Variants in CTNNA3 observed in about 807,000 individuals in gnomAD.
CTNNA3 encodes catenin alpha 3.
CTNNA3 carries 76 observed loss-of-function variants against 95.7 expected under a neutral mutation model. That is an observed-to-expected ratio of 0.79 (90% confidence interval 0.66 to 0.96). CTNNA3 has a LOEUF of 0.96. CTNNA3 is among the 40% of genes least tolerant of loss of function. CTNNA3 has a pLI of 0.00. For synonymous variants in CTNNA3, 431 were observed against 374.4 expected, an observed-to-expected ratio of 1.15 and a Z score of -1.74; for missense variants, 1,191 against 1,089.8, an observed-to-expected ratio of 1.09 and a Z score of -1.31.
rs564721214 is a variant in CTNNA3, at chr10:66,138,040, T to C, written c.1885-34791A>G. 9.4e-4 allele frequency among the ~76,000 whole-genome samples: 142 copies of C among 151,502 alleles called. 1 individual carries two copies. The highest frequency in any genetic ancestry group is 3.1e-3 in the South Asian group (15 of 4,810). On this transcript the variant is annotated intron_variant, in intron 13 of 17. Coordinates refer to ENST00000433211, the MANE Select transcript of CTNNA3 (RefSeq NM_013266.4). The stretch of plus-strand genomic sequence containing the variant: ...AGAAAAAACAAAGAAAATAAAATAG[T>C]AAAACTTATTAAATCTAAGTAAAAG...
intron 15 of CTNNA3, among the ~76,000 whole-genome samples, chr10:66,015,382 C>CAA (rs1448725439): frequency 1.3e-5 from 2 of 152,082 alleles, no homozygotes; most frequent in Admixed American, 6.5e-5. Context: ...CTAGGAGTGA[C>CAA]AAACTGTAAC....
intron 5 of CTNNA3, among the ~76,000 whole-genome samples, chr10:67,340,068 C>T (rs2132610850): frequency 6.6e-6 from 1 of 152,058 alleles, no homozygotes; most frequent in East Asian, 1.9e-4. Flanking sequence ...ATTAATTGTC[C>T]TGCTTATATT....
At chr10:66,996,947 CA>C (rs1157777086) in intron 7 of CTNNA3, among the ~76,000 whole-genome samples, 1 of 151,990 alleles carries the variant, frequency 6.6e-6, no homozygotes, top group African/African-American at 2.4e-5. Context: ...GACATTAAAT[CA>C]AGAGGTTTAA....
chr10:66,180,217 T>G (rs2085968295), intron 13 of CTNNA3, among the ~76,000 whole-genome samples: 1 of 152,186 alleles, frequency 6.6e-6, no homozygotes, highest in South Asian at 2.1e-4. Context: ...TTTAGAAAAC[T>G]GCTGGCCTAT....
At chr10:66,450,863 TTCA>T (rs1162938723) in intron 11 of CTNNA3, among the ~76,000 whole-genome samples, 3 of 152,282 alleles carry the variant, frequency 2.0e-5, no homozygotes, top group South Asian at 4.1e-4. Flanking sequence ...CAACTCACTC[TTCA>T]AGACACAAGT....
chr10:67,171,115 A>G (rs1191542520), intron 7 of CTNNA3, among the ~76,000 whole-genome samples: 1 of 152,190 alleles, frequency 6.6e-6, no homozygotes, highest in African/African-American at 2.4e-5. Flanking sequence ...TTTGCATAAT[A>G]TTTCCATAAG....
At chr10:66,431,099 A>G (rs2093291305) in intron 11 of CTNNA3, among the ~76,000 whole-genome samples, 1 of 152,164 alleles carries the variant, frequency 6.6e-6, no homozygotes, top group Non-Finnish European at 1.5e-5. Flanking sequence ...ATGAACAGAC[A>G]CTTCTCAAAA....
In CTNNA3 at chr10:66,064,698, C is replaced by T. The variant is rs139105284; in HGVS notation, c.2159+4610G>A. 2.6e-3 allele frequency among the ~76,000 whole-genome samples: 391 copies of T among 152,210 alleles called. 6 individuals are homozygous for T. Among genetic ancestry groups the T allele is most frequent in the African/African-American group, 9.1e-3 (378 of 41,554 alleles). On this transcript the variant is annotated intron_variant, in intron 15 of 17. Coordinates refer to ENST00000433211, the MANE Select transcript of CTNNA3 (RefSeq NM_013266.4). ...CGGACTATGTGTCTCCTCCAAATGC[C>T]ATAAGGGCATTAAAATTAAAATCTT...
chr10:67,107,040 T>C (rs1232993016), intron 7 of CTNNA3, among the ~76,000 whole-genome samples: 3 of 152,200 alleles, frequency 2.0e-5, no homozygotes, highest in African/African-American at 7.2e-5. Flanking sequence ...TTGTTGGGAA[T>C]ATCTCAAGGC....
At chr10:67,080,778 G>A (rs1190519065) in intron 7 of CTNNA3, among the ~76,000 whole-genome samples, 2 of 151,866 alleles carry the variant, frequency 1.3e-5, no homozygotes, top group Non-Finnish European at 2.9e-5. Context: ...GCGTGGTGGC[G>A]GGCGCCTGTG....
chr10:65,928,504 A>G (rs2077201692), intron 17 of CTNNA3, among the ~76,000 whole-genome samples: 1 of 152,160 alleles, frequency 6.6e-6, no homozygotes, highest in Non-Finnish European at 1.5e-5. Context: ...GGTGGAGACA[A>G]TGTTCTTTTT....
chr10:66,699,561 T>C (rs1847874843), intron 9 of CTNNA3, among the ~76,000 whole-genome samples: 2 of 152,164 alleles, frequency 1.3e-5, no homozygotes. Context: ...AGTACTTTGG[T>C]CATTTTTTTT....
At chr10:65,954,524 AAC>A (rs1277835606) in intron 17 of CTNNA3, among the ~76,000 whole-genome samples, 2 of 152,182 alleles carry the variant, frequency 1.3e-5, no homozygotes, top group African/African-American at 4.8e-5. Flanking sequence ...TTTTAGGTCT[AAC>A]ATTTAAGTCT....
At chr10:66,075,979 A>G (rs2080547649) in intron 14 of CTNNA3, among the ~76,000 whole-genome samples, 1 of 151,744 alleles carries the variant, frequency 6.6e-6, no homozygotes. Context: ...ATAATCCACA[A>G]TTATGATTTT....
At chr10:66,211,983 G>GTTTTTTTT (rs61453326) in intron 13 of CTNNA3, among the ~76,000 whole-genome samples, 9 of 95,012 alleles carry the variant, frequency 9.5e-5, no homozygotes, top group African/African-American at 1.3e-4. Flanking sequence ...TTGTTTTTGG[G>GTTTTTTTT]TTTTTTTTTT....
chr10:67,228,609 A>G (rs1418419838), intron 5 of CTNNA3, among the ~76,000 whole-genome samples: 2 of 143,670 alleles, frequency 1.4e-5, no homozygotes, highest in African/African-American at 5.5e-5. Context: ...GTGAAACTCC[A>G]TCTCAAAAAA....
intron 9 of CTNNA3, among the ~76,000 whole-genome samples, chr10:66,653,632 G>A (rs1845983085): frequency 6.6e-6 from 1 of 152,024 alleles, no homozygotes; most frequent in South Asian, 2.1e-4. Flanking sequence ...CACAAAAGAT[G>A]CTGAATAGCC....
At chr10:65,990,164 A>G (rs1168480420) in intron 15 of CTNNA3, among the ~76,000 whole-genome samples, 1 of 151,588 alleles carries the variant, frequency 6.6e-6, no homozygotes, top group Non-Finnish European at 1.5e-5. Context: ...CATCTTTGCT[A>G]TTGTGAATAA....
intron 5 of CTNNA3, among the ~76,000 whole-genome samples, chr10:67,269,392 T>C (rs190809071): frequency 5.8e-4 from 89 of 152,246 alleles, no homozygotes; most frequent in Admixed American, 2.4e-3. Flanking sequence ...TAGACATACA[T>C]TTTGAGGATT....
Sources: allele counts gnomAD v4.1 joint callset (sites outside exome capture counted in the v4.1 genomes callset), GRCh38; gene constraint gnomAD v4.1.1; transcripts MANE v1.5; gene names NCBI Gene and HGNC (gene_info 2026-07-23, HGNC 2026-07-21).